BRCA2: variants seen among roughly 807,000 people sequenced by gnomAD.
BRCA2 encodes the protein breast cancer type 2 susceptibility protein.
BRCA2 carries 203 observed loss-of-function variants against 276.7 expected under a neutral mutation model. That is an observed-to-expected ratio of 0.73 (90% CI 0.65 to 0.82). The LOEUF (loss-of-function observed/expected upper bound fraction) is 0.82, where lower values mean the gene tolerates loss of function less well. BRCA2 is among the 40% of genes least tolerant of loss of function. BRCA2 has a pLI of 0.00. For synonymous variants in BRCA2, 1,289 were observed against 1,338.4 expected (o/e 0.96, Z 0.81); for missense variants, 3,920 against 3,915.0 (o/e 1.00, Z -0.03).
intron 11 of BRCA2, among the ~76,000 whole-genome samples, chr13:32,341,827 C>T (rs1311323072): frequency 6.7e-6 from 1 of 150,086 alleles, no homozygotes. Context: ...GAGATCCCGC[C>T]ACTGCACTCC....
rs2137579507 is a variant in BRCA2 at position 32,363,173 on chromosome 13, T to G, written c.7977-6T>G. The G allele has an allele frequency of 6.2e-7, 1 of 1,611,964 alleles. No individual in the cohort carries two copies. Among genetic ancestry groups the G allele is most frequent in the Non-Finnish European group, 8.5e-7 (1 of 1,178,648 alleles). On this transcript the variant is annotated splice_polypyrimidine_tract_variant and splice_region_variant and intron_variant, in intron 17 of 26. Coordinates refer to ENST00000380152, the MANE Select transcript of BRCA2 (RefSeq NM_000059.4). ...CTAAAATATGCATTTTTGTTTTCAC[T>G]TTTAGATATGATACGGAAATTGATA...
intron 8 of BRCA2, 22 bp downstream of exon 8, chr13:32,329,514 T>A: frequency 6.4e-7 from 1 of 1,560,796 alleles, no homozygotes; most frequent in African/African-American, 1.4e-5. Context: ...TGACATTGAT[T>A]AGACTGTTGA....
rs199754711 is a variant in BRCA2, at chr13:32,348,048, G to GA, written c.7007+1158dup. The stretch of plus-strand genomic sequence containing the variant: ...CTACTAATATTCTCAGGTAAGAAAA[G>GA]AAAAAATGGCCGTAAAATAAGAACA... On this transcript the variant is annotated intron_variant, in intron 13 of 26. Coordinates refer to ENST00000380152, the MANE Select transcript of BRCA2 (RefSeq NM_000059.4). 7.2e-3 allele frequency among the ~76,000 whole-genome samples: 1,090 copies of GA among 151,850 alleles called. 12 individuals carry two copies. Among genetic ancestry groups the GA allele is most frequent in the African/African-American group, 0.025 (1,034 of 41,450 alleles).
chr13:32,330,876 T>G, intron 8 of BRCA2, 43 bp from the exon 9 acceptor site: 18 of 1,196,662 alleles, frequency 1.5e-5, no homozygotes, highest in Non-Finnish European at 2.0e-5. Context: ...ATATGTGCAT[T>G]GAGAGTTTTT....
At position 32,394,654 on chromosome 13, in the gene BRCA2, TA is replaced by T; in HGVS notation, c.9257-34del. The stretch of plus-strand genomic sequence containing the variant: ...CATCTTAAAATTCATCTAACACATC[TA>T]TAATAACATTCTTTTCTTTTTTTTC... On this transcript the variant is annotated intron_variant, in intron 24 of 26. Coordinates refer to ENST00000380152, the MANE Select transcript of BRCA2 (RefSeq NM_000059.4). The T allele has an allele frequency of 1.9e-6, 3 of 1,600,460 alleles. No individual in the cohort carries two copies. The South Asian group carries it at 3.3e-5, about 18-fold the overall frequency.
chr13:32,365,490 C>A (rs1306479384), intron 18 of BRCA2, among the ~76,000 whole-genome samples: 1 of 152,076 alleles, frequency 6.6e-6, no homozygotes, highest in African/African-American at 2.4e-5. Context: ...AAGTGATTCT[C>A]CTGTCTCAGC....
intron 18 of BRCA2, among the ~76,000 whole-genome samples, chr13:32,369,177 G>A (rs940592162): frequency 1.3e-5 from 2 of 151,664 alleles, no homozygotes; most frequent in African/African-American, 4.8e-5. Flanking sequence ...CAGAGTCCAC[G>A]ATATGTATGG....
chr13:32,327,832 C>T lies in BRCA2; in HGVS notation c.631+1219C>T, dbSNP rs537917063. Among the ~76,000 whole-genome samples the T allele has an allele frequency of 3.3e-5, 5 of 151,262 alleles. No homozygotes were observed. The South Asian group carries it at 8.4e-4, about 25-fold the overall frequency. On this transcript the variant is annotated intron_variant, in intron 7 of 26. Coordinates refer to ENST00000380152, the MANE Select transcript of BRCA2 (RefSeq NM_000059.4). ...TGCCCAGGCTGGAGTGCAGTGGCAC[C>T]GTCGCAGTTCACTGCAGCCTCAACC...
intron 3 of BRCA2, among the ~76,000 whole-genome samples, chr13:32,320,334 T>C (rs1593883483): frequency 6.6e-6 from 1 of 152,214 alleles, no homozygotes; most frequent in African/African-American, 2.4e-5. Flanking sequence ...TGATATGGCT[T>C]TCAAGTTCCT....
rs80358594 is a variant in BRCA2, at chr13:32,337,813, A to G, written c.3458A>G (p.Lys1153Arg). The G allele has an allele frequency of 1.8e-5, 29 of 1,614,002 alleles. No homozygotes were observed. The highest frequency in any genetic ancestry group is 2.2e-5 in the Non-Finnish European group (26 of 1,179,990). The change falls in exon 11 of 27, where the codon AAG becomes AGG. Residue 1153 changes from lysine (K) to arginine (R), a missense_variant. Physicochemically the swap from Lys to Arg is conservative, Grantham distance 26 (BLOSUM62 2). This residue lies in a region of BRCA2 where 3,263 missense variants were observed against 3,156.9 expected (regional missense o/e 1.03). Coordinates refer to ENST00000380152, the MANE Select transcript of BRCA2 (RefSeq NM_000059.4). ...CCTGAAAACCAGATGACTATCTTAA[A>G]GACCACTTCTGAGGAATGCAGAGAT... Reference protein sequence around the residue: ...EVPENQMTILKTTSEECRDAD... With the variant: ...EVPENQMTILRTTSEECRDAD...
At chr13:32,355,411 T>C (rs1380548972) in intron 14 of BRCA2, 123 bp downstream of exon 14, 3 of 1,104,376 alleles carry the variant, frequency 2.7e-6, no homozygotes, top group African/African-American at 3.2e-5. Flanking sequence ...TTTAATGTTT[T>C]AGATTTTCTA....
At chr13:32,354,113 G>T (rs2137553638) in intron 13 of BRCA2, among the ~76,000 whole-genome samples, 1 of 152,272 alleles carries the variant, frequency 6.6e-6, no homozygotes, top group East Asian at 1.9e-4. Context: ...GTGATGGTGA[G>T]AATTTTAAAA....
intron 24 of BRCA2, among the ~76,000 whole-genome samples, chr13:32,388,595 G>A (rs559481163): frequency 6.6e-6 from 1 of 150,946 alleles, no homozygotes; most frequent in East Asian, 1.9e-4. Context: ...TAATATAAGT[G>A]TTCTGAACAC....
At chr13:32,355,708 AAAATAAAT>A (rs936530572) in intron 14 of BRCA2, among the ~76,000 whole-genome samples, 14 of 151,944 alleles carry the variant, frequency 9.2e-5, no homozygotes, top group Admixed American at 1.3e-4. Flanking sequence ...CTAAAAATAC[AAAATAAAT>A]AAATAAATAA....
At chr13:32,329,528 T>G in intron 8 of BRCA2, 36 bp downstream of exon 8, 1 of 1,502,794 alleles carries the variant, frequency 6.7e-7, no homozygotes, top group Non-Finnish European at 9.2e-7. Flanking sequence ...CTGTTGAAAT[T>G]GCTAACAATT....
Position 32,396,977 on chromosome 13 carries a change from C to A in BRCA2, c.9581C>A (p.Pro3194Gln), listed in dbSNP as rs28897760. ...GCAAATGATCCCAAGTGGTCCACCC[C>A]AACTAAAGACTGTACTTCAGGGCCG... is the stretch of plus-strand genomic sequence containing the variant. ...LHANDPKWST[P>Q]TKDCTSGPYT... is the part of the protein sequence containing the mutation. The change falls in exon 26 of 27, where the codon CCA (proline) becomes CAA (glutamine). Residue 3194 changes from proline to glutamine, a missense_variant. Transcript: ENST00000380152. 2.3e-5 allele frequency: 37 copies of A among 1,613,902 alleles called. No homozygotes were observed. Among genetic ancestry groups the A allele is most frequent in the Admixed American group, 3.3e-5 (2 of 59,990 alleles).
intron 26 of BRCA2, 49 bp from the exon 27 acceptor site, chr13:32,398,113 T>C (rs745356352): frequency 6.4e-7 from 1 of 1,553,278 alleles, no homozygotes; most frequent in South Asian, 1.2e-5. Flanking sequence ...ATTTAGTTTT[T>C]TATGTTACTA....
At position 32,393,681 on chromosome 13, in the gene BRCA2, G is replaced by A. The variant is rs192627217; in HGVS notation, c.9257-1008G>A. Among the ~76,000 whole-genome samples the A allele has an allele frequency of 8.5e-4, 129 of 152,118 alleles. 1 individual carries two copies. The highest frequency in any genetic ancestry group is 1.7e-3 in the Non-Finnish European group (117 of 67,992). ...AAAATGGTGTTTAGATCCAAGATCT[G>A]GTTGCTAGATAGGCTCATTACTTTA... is the stretch of plus-strand genomic sequence containing the variant. On this transcript the variant is annotated intron_variant, in intron 24 of 26. Coordinates refer to ENST00000380152, the MANE Select transcript of BRCA2 (RefSeq NM_000059.4).
At chr13:32,362,828 C>A (rs2072750550) in intron 17 of BRCA2, 135 bp downstream of exon 17, 9 of 924,592 alleles carry the variant, frequency 9.7e-6, no homozygotes, top group Non-Finnish European at 1.5e-5. Flanking sequence ...CTGCTGTTCT[C>A]CTGTCATCCC....
Sources: gnomAD v4.1 joint callset for allele counts (sites outside exome capture counted in the v4.1 genomes callset) on GRCh38, gnomAD v4.1.1 for gene constraint, gnomAD v4.1.1 regional missense constraint, MANE v1.5 for transcripts, NCBI Gene and HGNC (gene_info 2026-07-23, HGNC 2026-07-21) for gene names.